The following PITPNM2 variants were observed in gnomAD, a reference collection of about 807,000 sequenced individuals.
PITPNM2 encodes the protein membrane-associated phosphatidylinositol transfer protein 2.
Under a neutral mutation model 132.2 loss-of-function variants are expected in PITPNM2, and 35 were observed. The observed-to-expected ratio is 0.26, with a 90% CI of 0.20 to 0.35. The LOEUF is 0.35. PITPNM2 is among the 10% of genes least tolerant of loss of function. The probability of loss-of-function intolerance (pLI) is 1.00; values close to 1 mark genes in which losing one functional copy is unlikely to be tolerated. For missense variants in PITPNM2, 1,332 were observed against 1,912.0 expected, an observed-to-expected ratio of 0.70 and a Z score of 5.66; for synonymous variants, 738 against 799.2, an observed-to-expected ratio of 0.92 and a Z score of 1.29.
intron 1 of PITPNM2, among the ~76,000 whole-genome samples, chr12:123,116,228 T>G (rs1257629247): frequency 1.3e-5 from 2 of 152,306 alleles, no homozygotes; most frequent in East Asian, 3.9e-4. Context: ...CAGGTATTTC[T>G]GCACCAATGT....
At chr12:123,038,823 G>T (rs1327006894) in intron 2 of PITPNM2, among the ~76,000 whole-genome samples, 2 of 152,054 alleles carry the variant, frequency 1.3e-5, no homozygotes, top group African/African-American at 4.8e-5. Context: ...TACCTGGCCG[G>T]GCACGGTGGC....
chr12:123,061,081 C>T (rs2041220720), intron 2 of PITPNM2, among the ~76,000 whole-genome samples: 1 of 151,896 alleles, frequency 6.6e-6, no homozygotes, highest in Non-Finnish European at 1.5e-5. Flanking sequence ...CCCATGCATC[C>T]ATCCACCCAT....
chr12:122,987,702 C>G lies in PITPNM2; in HGVS notation c.3115-43G>C, dbSNP rs760620759. On this transcript the variant is annotated intron_variant, in intron 21 of 25. Transcript: ENST00000320201. ...GTCACGGGCTGGCTGTGTCTGGCCTCTCCACCCCCTGCACCCCGGCCAGAG... is the reference window on the plus strand; with the variant it reads ...GTCACGGGCTGGCTGTGTCTGGCCTGTCCACCCCCTGCACCCCGGCCAGAG... 3 of 1,611,430 alleles carry G rather than the reference C, an allele frequency of 1.9e-6. No individual in the cohort carries two copies. In the South Asian group the frequency reaches 3.3e-5, roughly 18 times the overall value.
intron 2 of PITPNM2, among the ~76,000 whole-genome samples, chr12:123,038,384 C>T (rs10848365): frequency 0.011 from 1,654 of 152,314 alleles, 35 homozygotes; most frequent in South Asian, 0.055. Context: ...ACTGCAAAGC[C>T]TCACAATGCC....
rs1305999516 is a variant in PITPNM2, at chr12:123,097,218, C to A, written c.-96+13167G>T. 6.6e-6 allele frequency among the ~76,000 whole-genome samples: 1 copy of A among 151,572 alleles called. No homozygotes were observed. Among genetic ancestry groups the A allele is most frequent in the Non-Finnish European group, 1.5e-5 (1 of 67,864 alleles). On this transcript the variant is annotated intron_variant, in intron 2 of 25. Transcript: ENST00000320201. This position sits in a 1 kb window ranked among gnomAD's most constrained non-coding sequence, Gnocchi z 4.7. ...CCACCACGCCCAGCTAATTTTTGTACTTTTAGTAGAGACGGGGTTTTGCCA... is the reference window on the plus strand; with the variant it reads ...CCACCACGCCCAGCTAATTTTTGTAATTTTAGTAGAGACGGGGTTTTGCCA...
chr12:123,128,445 T>TA (rs76741325), intron 1 of PITPNM2, among the ~76,000 whole-genome samples: 9,159 of 71,524 alleles, frequency 0.13, 1,671 homozygotes, highest in African/African-American at 0.42. Context: ...CGTCTCAAGT[T>TA]AAAAAAAAAA....
chr12:123,025,560 G>C (rs1314836687), intron 3 of PITPNM2, among the ~76,000 whole-genome samples: 1 of 151,812 alleles, frequency 6.6e-6, no homozygotes, highest in Non-Finnish European at 1.5e-5. Context: ...AGCCTCCTGA[G>C]TAGCTGGGAT....
At chr12:123,107,197 C>T (rs968571800) in intron 2 of PITPNM2, among the ~76,000 whole-genome samples, 1 of 152,180 alleles carries the variant, frequency 6.6e-6, no homozygotes, top group African/African-American at 2.4e-5. Context: ...CAGGAAGTGC[C>T]CCTCCCTGCC....
intron 4 of PITPNM2, among the ~76,000 whole-genome samples, chr12:123,013,200 G>A (rs983674095): frequency 3.9e-5 from 6 of 152,234 alleles, no homozygotes; most frequent in Non-Finnish European, 8.8e-5. Context: ...GGATCCCTCA[G>A]CAAGCTCCAG....
In PITPNM2 at chr12:122,986,222, G is replaced by C. The variant is rs752757928; in HGVS notation, c.3855C>G (p.Asp1285Glu). Residue 1285 changes from aspartate to glutamate, a missense_variant, in exon 26 of 26, where the codon GAC becomes GAG. Coordinates refer to ENST00000320201, the MANE Select transcript of PITPNM2 (RefSeq NM_020845.3). The part of the protein sequence containing the change: ...KGSFGLPGQG[D>E]FLRSRNHLLR... Reference sequence around the variant, plus strand: ...GCAGGTGGTTCCGGGAGCGCAGAAAGTCGCCCTGGCCGGGCAGGCCGAAGC... The same window carrying C: ...GCAGGTGGTTCCGGGAGCGCAGAAACTCGCCCTGGCCGGGCAGGCCGAAGC... 4.5e-6 allele frequency: 7 copies of C among 1,567,050 alleles called. No homozygotes were observed. In the Admixed American group the frequency reaches 1.3e-4, roughly 29 times the overall value.
chr12:122,988,418 G>T (rs1438921377), intron 19 of PITPNM2, 68 bp from the exon 20 acceptor site: 1 of 1,356,914 alleles, frequency 7.4e-7, no homozygotes. Flanking sequence ...CTGGGAGGAG[G>T]AGGCCCAGTA....
chr12:123,094,773 C>T (rs919930469), intron 2 of PITPNM2, among the ~76,000 whole-genome samples: 2 of 152,168 alleles, frequency 1.3e-5, no homozygotes, highest in Non-Finnish European at 2.9e-5. Flanking sequence ...GCAGGGAAGG[C>T]CAGGTTCCCA....
intron 3 of PITPNM2, among the ~76,000 whole-genome samples, chr12:123,017,130 G>A (rs1254779914): frequency 2.6e-5 from 4 of 151,956 alleles, no homozygotes; most frequent in Non-Finnish European, 4.4e-5. Context: ...CAGCACTTTG[G>A]GAGGCTGAGG....
intron 2 of PITPNM2, among the ~76,000 whole-genome samples, chr12:123,048,713 G>A (rs57794792): frequency 0.043 from 6,475 of 152,238 alleles, 456 homozygotes; most frequent in African/African-American, 0.15. Flanking sequence ...CGCCCGGCTG[G>A]GTAGTTAGTG....
chr12:123,145,495 T>C (rs1432115973), intron 1 of PITPNM2, among the ~76,000 whole-genome samples: 1 of 152,178 alleles, frequency 6.6e-6, no homozygotes, highest in African/African-American at 2.4e-5. Context: ...AGCCAGGTCT[T>C]AATAAGACCC....
chr12:123,007,648 C>A (rs1452363032), intron 6 of PITPNM2, among the ~76,000 whole-genome samples: 1 of 152,184 alleles, frequency 6.6e-6, no homozygotes, highest in African/African-American at 2.4e-5. Context: ...GTCCCCTGCC[C>A]AAGCCCCAGG....
Position 123,000,804 on chromosome 12 carries a change from T to C in PITPNM2, c.1198A>G (p.Ser400Gly), listed in dbSNP as rs2038628093. 6.2e-7 allele frequency: 1 copy of C among 1,614,076 alleles called. No homozygotes were observed. Among genetic ancestry groups the C allele is most frequent in the Non-Finnish European group, 8.5e-7 (1 of 1,180,038 alleles). ...QGAPEFRVAS[S>G]VEQLNIIEDE... ...TCTATGATGTTCAGCTGCTCCACAC[T>C]GGAGGCCACCCTGAACTCAGGGGCA... is the stretch of plus-strand genomic sequence containing the variant. Residue 400 changes from serine (S) to glycine (G), a missense_variant, in exon 10 of 26, where the codon AGT (serine) becomes GGT (glycine). By Grantham distance (56) the Ser-to-Gly change is moderately conservative. Coordinates refer to ENST00000320201, the MANE Select transcript of PITPNM2 (RefSeq NM_020845.3). This position sits in a 1 kb window ranked among gnomAD's most constrained non-coding sequence, Gnocchi z 5.4.
Position 123,078,735 on chromosome 12 carries a change from C to T in PITPNM2, c.-96+31650G>A, listed in dbSNP as rs771661693. Among the ~76,000 whole-genome samples, 7 of 152,194 alleles carry T rather than the reference C, an allele frequency of 4.6e-5. No individual in the cohort carries two copies. ...CTGGGCACAGCAGGGGGAGGGGGCT[C>T]TCCTGGACACACTGGCAGGTGGATG... On this transcript the variant is annotated intron_variant, in intron 2 of 25. Transcript: ENST00000320201. The surrounding 1 kb of genome is among the most constrained non-coding windows in gnomAD (Gnocchi z 7.3).
intron 2 of PITPNM2, chr12:123,091,859 C>T (rs1210639814): frequency 2.0e-5 from 3 of 152,222 alleles, no homozygotes; most frequent in African/African-American, 4.8e-5. Flanking sequence ...CTGTCCTGAT[C>T]CATTTCCAAG....
Sources: gnomAD v4.1 joint callset for allele counts (sites outside exome capture counted in the v4.1 genomes callset) on GRCh38, gnomAD v4.1.1 for gene constraint, Gnocchi (gnomAD v3.1) non-coding constraint, MANE v1.5 for transcripts, NCBI Gene and HGNC (gene_info 2026-07-23, HGNC 2026-07-21) for gene names.